Variants in LRRC40 observed in about 807,000 individuals in gnomAD.
LRRC40 encodes leucine-rich repeat-containing protein 40.
A neutral mutation model predicts 72.8 loss-of-function variants in LRRC40; 76 were observed. The ratio of observed to expected loss-of-function variants is 1.04; its 90% CI spans 0.87 to 1.26. The LOEUF is 1.26. LRRC40 is among the 50% of genes most tolerant of loss of function. LRRC40 has a pLI of 0.00. For synonymous variants in LRRC40, 243 were observed against 254.2 expected (o/e 0.96, Z 0.42); for missense variants, 684 against 698.9 (o/e 0.98, Z 0.24).
In LRRC40 at chr1:70,152,507, A is replaced by T; in HGVS notation, c.1365T>A (p.Asp455Glu). ...TAAAGGAAAGTTTATTAAAACTGAG[A>T]TCGACATCAGAAACCATTTCCTTCA... is the stretch of plus-strand genomic sequence containing the variant. Reference protein sequence around the residue: ...VELKEMVSDVDLSFNKLSFIS... With the variant: ...VELKEMVSDVELSFNKLSFIS... The change falls in exon 12 of 15, where the codon GAT (aspartate) becomes GAA (glutamate). Residue 455 changes from aspartate (D) to glutamate (E), a missense_variant. Asp to Glu is a conservative substitution (Grantham distance 45, BLOSUM62 2). Transcript: ENST00000370952. 1.9e-6 allele frequency: 3 copies of T among 1,607,030 alleles called. No homozygotes were observed. Among genetic ancestry groups the T allele is most frequent in the Non-Finnish European group, 2.6e-6 (3 of 1,174,228 alleles).
At chr1:70,190,696 A>AAAAAAAAAC (rs1668479521) in intron 1 of LRRC40, among the ~76,000 whole-genome samples, 1 of 115,058 alleles carries the variant, frequency 8.7e-6, no homozygotes, top group African/African-American at 4.2e-5. Flanking sequence ...AAAAAAAAAA[A>AAAAAAAAAC]CTTAAAAAAA....
At chr1:70,167,835 G>A (rs939332180) in intron 9 of LRRC40, among the ~76,000 whole-genome samples, 3 of 152,004 alleles carry the variant, frequency 2.0e-5, no homozygotes, top group Non-Finnish European at 2.9e-5. Flanking sequence ...GGCTGGTCTC[G>A]AACTCCTGAC....
At chr1:70,199,669 C>T (rs1165219766) in intron 1 of LRRC40, among the ~76,000 whole-genome samples, 1 of 152,072 alleles carries the variant, frequency 6.6e-6, no homozygotes, top group African/African-American at 2.4e-5. Flanking sequence ...CTCTAGCTTA[C>T]TATTGTAAGA....
Position 70,189,166 on chromosome 1 carries a change from GT to G in LRRC40, c.258del (p.Lys86AsnfsTer2). 1 of 1,613,798 alleles carries G rather than the reference GT, an allele frequency of 6.2e-7. No individual in the cohort carries two copies. Among genetic ancestry groups the G allele is most frequent in the South Asian group, 1.1e-5 (1 of 91,080 alleles). On this transcript the variant is annotated frameshift_variant, in exon 2 of 15. Transcript: ENST00000370952. LOFTEE classifies it high-confidence loss of function. The stretch of plus-strand genomic sequence containing the variant: ...TGAAGTTTATTGTTTGATATTATTA[GT>G]TTGGTCAAATCTGTCTGCTCCCACC... Reference protein sequence around the residue: ...ERWWEQTDLTKLIISNNKLQS... With the variant: ...ERWWEQTDLTXLIISNNKLQS...
intron 1 of LRRC40, among the ~76,000 whole-genome samples, chr1:70,198,664 G>A (rs1668666851): frequency 6.6e-6 from 1 of 152,018 alleles, no homozygotes; most frequent in Non-Finnish European, 1.5e-5. Flanking sequence ...TTATAGAACT[G>A]ACACTCAGAA....
intron 12 of LRRC40, among the ~76,000 whole-genome samples, chr1:70,151,468 G>T (rs554909313): frequency 1.5e-4 from 23 of 151,964 alleles, no homozygotes; most frequent in Admixed American, 1.2e-3. Flanking sequence ...GTGATTACAG[G>T]GTAAACACTG....
intron 10 of LRRC40, among the ~76,000 whole-genome samples, chr1:70,157,430 C>A (rs4649910): frequency 1.3e-5 from 2 of 152,048 alleles, no homozygotes; most frequent in African/African-American, 4.8e-5. Flanking sequence ...AAAACAAATC[C>A]GAATAAATTT....
At chr1:70,184,574 A>ATC (rs1668318598) in intron 4 of LRRC40, among the ~76,000 whole-genome samples, 1 of 152,216 alleles carries the variant, frequency 6.6e-6, no homozygotes, top group African/African-American at 2.4e-5. Flanking sequence ...ACTCTTCCTA[A>ATC]ATTAAAACTT....
rs763389598 is a variant in LRRC40, at chr1:70,181,200, T to G, written c.547A>C (p.Asn183His). 3 of 1,545,284 alleles carry G rather than the reference T, an allele frequency of 1.9e-6. No individual in the cohort carries two copies. In the South Asian group the frequency reaches 3.8e-5, roughly 20 times the overall value. The change falls in exon 5 of 15, where the codon AAC becomes CAC. Residue 183 changes from asparagine to histidine, a missense_variant. Coordinates refer to ENST00000370952, the MANE Select transcript of LRRC40 (RefSeq NM_017768.5). Reference protein sequence around the residue: ...LSNLEDLDLSNNHLTTVPASF... With the variant: ...LSNLEDLDLSHNHLTTVPASF... The stretch of plus-strand genomic sequence containing the variant: ...GCAGGAACAGTTGTAAGATGATTGT[T>G]TGAAAGATCCTTTAAAAAGAGAAAG...
intron 1 of LRRC40, among the ~76,000 whole-genome samples, chr1:70,199,447 A>G (rs891168320): frequency 2.6e-5 from 4 of 152,110 alleles, no homozygotes; most frequent in African/African-American, 9.7e-5. Flanking sequence ...CTCGCACAAT[A>G]TGGGTTTGAA....
chr1:70,150,133 G>A (rs1038399156), intron 13 of LRRC40, among the ~76,000 whole-genome samples: 1 of 152,088 alleles, frequency 6.6e-6, no homozygotes, highest in Non-Finnish European at 1.5e-5. Context: ...CGGCCAGGCT[G>A]GTCTCAAACT....
At chr1:70,165,290 T>C (rs1422261913) in intron 9 of LRRC40, among the ~76,000 whole-genome samples, 1 of 152,206 alleles carries the variant, frequency 6.6e-6, no homozygotes, top group Non-Finnish European at 1.5e-5. Context: ...AAATCCTACA[T>C]GAATTACTGC....
intron 3 of LRRC40, among the ~76,000 whole-genome samples, chr1:70,185,745 T>C (rs773472099): frequency 6.6e-6 from 1 of 152,206 alleles, no homozygotes; most frequent in African/African-American, 2.4e-5. Context: ...GAATGTAATA[T>C]GGAATTCCAC....
Position 70,173,510 on chromosome 1 carries a change from T to C in LRRC40, c.1066A>G (p.Lys356Glu). ...LRTIRREIIS[K>E]GTQEVLKYLR... is the part of the protein sequence containing the mutation. The stretch of plus-strand genomic sequence containing the variant: ...TATTTTAGGACTTCTTGTGTTCCTT[T>C]CTAGAAGGGTGGAGACAAAGACATT... The change falls in exon 9 of 15, where the codon AAA (lysine) becomes GAA (glutamate). Residue 356 changes from lysine to glutamate, a missense_variant and splice_region_variant. Physicochemically the swap from Lys to Glu is moderately conservative, Grantham distance 56. Coordinates refer to ENST00000370952, the MANE Select transcript of LRRC40 (RefSeq NM_017768.5). 6.2e-7 allele frequency: 1 copy of C among 1,607,482 alleles called. No homozygotes were observed. Among genetic ancestry groups the C allele is most frequent in the Non-Finnish European group, 8.5e-7 (1 of 1,174,506 alleles).
At position 70,189,213 on chromosome 1, in the gene LRRC40, G is replaced by GA; in HGVS notation, c.211dup (p.Ser71PhefsTer6). 6.2e-7 allele frequency: 1 copy of GA among 1,603,778 alleles called. No individual in the cohort carries two copies. The highest frequency in any genetic ancestry group is 1.1e-5 in the South Asian group (1 of 90,806). On this transcript the variant is annotated frameshift_variant, in exon 2 of 15. Transcript: ENST00000370952. LOFTEE classifies it high-confidence loss of function. ...CCACCATCTTTCAGTAGCACCAAAC[G>GA]AAAGATTCTGATTAGCTTCCTCAGG...
At chr1:70,149,062 A>G (rs1667395084) in intron 13 of LRRC40, among the ~76,000 whole-genome samples, 2 of 152,104 alleles carry the variant, frequency 1.3e-5, no homozygotes, top group Admixed American at 1.3e-4. Context: ...AAAATTCAAG[A>G]TTTATATTTT....
chr1:70,148,422 A>G (rs1667369245), intron 14 of LRRC40, 65 bp downstream of exon 14: 5 of 1,313,806 alleles, frequency 3.8e-6, no homozygotes, highest in Non-Finnish European at 1.0e-6. Flanking sequence ...TCTGAAAAAG[A>G]AAAACAAATC....
At chr1:70,199,331 T>C (rs916937439) in intron 1 of LRRC40, among the ~76,000 whole-genome samples, 7 of 152,146 alleles carry the variant, frequency 4.6e-5, no homozygotes, top group Non-Finnish European at 8.8e-5. Flanking sequence ...CTTTTCTCTA[T>C]AGATTCTAAT....
At chr1:70,176,081 A>ATT in intron 6 of LRRC40, 99 bp from the exon 7 acceptor site, 3 of 622,428 alleles carry the variant, frequency 4.8e-6, no homozygotes, top group South Asian at 5.0e-5. Flanking sequence ...AGTGATTGAA[A>ATT]AACACATAGA....
Sources: gnomAD v4.1 joint callset for allele counts (sites outside exome capture counted in the v4.1 genomes callset) on GRCh38, gnomAD v4.1.1 for gene constraint, MANE v1.5 for transcripts, NCBI Gene and HGNC (gene_info 2026-07-23, HGNC 2026-07-21) for gene names.